JARID2: variants seen among roughly 807,000 people sequenced by gnomAD.
JARID2 encodes protein Jumonji.
In JARID2, 21 loss-of-function variants were observed where a neutral mutation model predicts 125.6. The observed-to-expected ratio is 0.17, with a 90% CI of 0.12 to 0.24. The LOEUF (loss-of-function observed/expected upper bound fraction) is 0.24. Ranked by LOEUF, JARID2 falls within the 10% of genes least tolerant of loss-of-function variation. JARID2 has a pLI of 1.00. For missense variants in JARID2, 1,303 were observed against 1,639.6 expected (o/e 0.79, Z 3.55); for synonymous variants, 736 against 661.6 (o/e 1.11, Z -1.73).
intron 1 of JARID2, chr6:15,247,689 T>G: frequency 6.1e-6 from 6 of 985,342 alleles, no homozygotes; most frequent in Non-Finnish European, 7.2e-6. Flanking sequence ...GGGGCACTGG[T>G]TTTGTAAAAA....
At chr6:15,513,171 G>A (rs1771361611) in intron 15 of JARID2, 68 bp from the exon 16 acceptor site, 11 of 1,434,090 alleles carry the variant, frequency 7.7e-6, no homozygotes, top group Middle Eastern at 2.4e-4. Flanking sequence ...TGGGGTGCGT[G>A]TGTCCCCTCT....
intron 5 of JARID2, among the ~76,000 whole-genome samples, chr6:15,484,789 C>T (rs915052471): frequency 6.6e-6 from 1 of 152,082 alleles, no homozygotes; most frequent in African/African-American, 2.4e-5. Flanking sequence ...TTGTAGCAGG[C>T]CTCACCATGA....
chr6:15,432,453 AAC>A (rs1767007482), intron 3 of JARID2, among the ~76,000 whole-genome samples: 1 of 4,050 alleles, frequency 2.5e-4, no homozygotes. Context: ...CTTCAAAAAC[AAC>A]AACAACAACA....
intron 16 of JARID2, among the ~76,000 whole-genome samples, chr6:15,514,955 G>A (rs1464624505): frequency 6.6e-6 from 1 of 152,146 alleles, no homozygotes; most frequent in African/African-American, 2.4e-5. Context: ...GTTCTTAAAA[G>A]AAAATGATGA....
chr6:15,304,820 A>C (rs1761762822), intron 1 of JARID2, among the ~76,000 whole-genome samples: 1 of 152,120 alleles, frequency 6.6e-6, no homozygotes. Context: ...GGGTGTGTCC[A>C]GTGCTGGCAG....
intron 1 of JARID2, among the ~76,000 whole-genome samples, chr6:15,273,959 C>T (rs9637976): frequency 0.073 from 10,901 of 149,452 alleles, 481 homozygotes; most frequent in East Asian, 0.15. Context: ...GATGGAGTCT[C>T]GCCCTGTCAC....
chr6:15,298,024 G>A (rs1300536011), intron 1 of JARID2, among the ~76,000 whole-genome samples: 1 of 152,132 alleles, frequency 6.6e-6, no homozygotes, highest in Non-Finnish European at 1.5e-5. Context: ...GGTTTAAAAT[G>A]TAGTATGTTT....
At chr6:15,419,039 G>C (rs1451136765) in intron 3 of JARID2, among the ~76,000 whole-genome samples, 1 of 151,844 alleles carries the variant, frequency 6.6e-6, no homozygotes, top group African/African-American at 2.4e-5. Context: ...TTAATAATTG[G>C]AATTATATTA....
chr6:15,448,835 A>G (rs1289805376), intron 3 of JARID2, among the ~76,000 whole-genome samples: 1 of 152,120 alleles, frequency 6.6e-6, no homozygotes, highest in Non-Finnish European at 1.5e-5. Context: ...ATTGATACAG[A>G]AATTGAGAGC....
intron 1 of JARID2, among the ~76,000 whole-genome samples, chr6:15,373,221 G>C (rs902677175): frequency 1.3e-5 from 2 of 152,102 alleles, no homozygotes; most frequent in Admixed American, 6.5e-5. Context: ...TTTAGTGACT[G>C]TTGTCAACCA....
At position 15,501,349 on chromosome 6, in the gene JARID2, G is replaced by T; in HGVS notation, c.2388G>T (p.Val796=). 6.3e-7 allele frequency: 1 copy of T among 1,597,560 alleles called. No homozygotes were observed. Among genetic ancestry groups the T allele is most frequent in the South Asian group, 1.1e-5 (1 of 89,612 alleles). ...GACTCTTCGCTCAGGAAAAAGAAGTGGTCAAGGAAGAGGAGGAGGACAAAG... is the reference window on the plus strand; with the variant it reads ...GACTCTTCGCTCAGGAAAAAGAAGTTGTCAAGGAAGAGGAGGAGGACAAAG... ...RRRLFAQEKE[V]VKEEEEDKGV... The change falls in exon 8 of 18, where the codon GTG becomes GTT. Residue 796 remains valine (V), a synonymous_variant. Transcript: ENST00000341776.
chr6:15,339,339 A>G (rs1218473407), intron 1 of JARID2, among the ~76,000 whole-genome samples: 3 of 152,058 alleles, frequency 2.0e-5, no homozygotes, highest in Non-Finnish European at 4.4e-5. Flanking sequence ...GGATAAATAT[A>G]TTACTCAGGC....
chr6:15,310,170 C>T (rs988719442), intron 1 of JARID2, among the ~76,000 whole-genome samples: 1 of 152,038 alleles, frequency 6.6e-6, no homozygotes, highest in Non-Finnish European at 1.5e-5. Flanking sequence ...CCAGAGGTGC[C>T]GCACAAATGC....
chr6:15,287,976 T>C (rs1004603709), intron 1 of JARID2, among the ~76,000 whole-genome samples: 3 of 152,196 alleles, frequency 2.0e-5, no homozygotes, highest in Non-Finnish European at 2.9e-5. Context: ...CTTTGAATAC[T>C]TGTATCTTGG....
At chr6:15,282,330 AT>A (rs1271125295) in intron 1 of JARID2, among the ~76,000 whole-genome samples, 1 of 151,960 alleles carries the variant, frequency 6.6e-6, no homozygotes, top group African/African-American at 2.4e-5. Flanking sequence ...GAGAGTCTTT[AT>A]TTTCCTCCCT....
intron 2 of JARID2, among the ~76,000 whole-genome samples, chr6:15,391,623 T>A (rs1253643338): frequency 1.3e-5 from 2 of 152,210 alleles, no homozygotes; most frequent in Non-Finnish European, 2.9e-5. Context: ...ATCTGTCAAA[T>A]CATATTAAAC....
At chr6:15,289,702 C>T (rs374745851) in intron 1 of JARID2, among the ~76,000 whole-genome samples, 5 of 152,144 alleles carry the variant, frequency 3.3e-5, no homozygotes, top group African/African-American at 9.6e-5. Flanking sequence ...AAAATACACA[C>T]GGGCGTGGTG....
chr6:15,281,756 T>G (rs1373081235), intron 1 of JARID2, among the ~76,000 whole-genome samples: 1 of 152,262 alleles, frequency 6.6e-6, no homozygotes, highest in Non-Finnish European at 1.5e-5. Flanking sequence ...TTCCTTCTGA[T>G]GACTTTCTTC....
At chr6:15,332,367 G>T (rs1762738058) in intron 1 of JARID2, among the ~76,000 whole-genome samples, 3 of 152,094 alleles carry the variant, frequency 2.0e-5, no homozygotes, top group African/African-American at 7.2e-5. Context: ...ATGTAATACT[G>T]TTACCATCCA....
Sources: gnomAD v4.1 joint callset for allele counts (sites outside exome capture counted in the v4.1 genomes callset) on GRCh38, gnomAD v4.1.1 for gene constraint, MANE v1.5 for transcripts, NCBI Gene and HGNC (gene_info 2026-07-23, HGNC 2026-07-21) for gene names.